ANK2: variants seen among roughly 807,000 people sequenced by gnomAD.
The protein encoded by ANK2 is ankyrin 2, also known as ankyrin-2.
ANK2 carries 83 observed loss-of-function variants against 360.5 expected under a neutral mutation model. That is an observed-to-expected ratio of 0.23 (90% CI 0.19 to 0.28). The LOEUF (loss-of-function observed/expected upper bound fraction) is 0.28, where lower values mean the gene tolerates loss of function less well. Ranked by LOEUF, ANK2 falls within the 10% of genes least tolerant of loss-of-function variation. The pLI, the probability that ANK2 is intolerant of heterozygous loss-of-function variation, is 1.00. For synonymous variants in ANK2, 1,740 were observed against 1,759.5 expected (o/e 0.99, Z 0.28); for missense variants, 4,201 against 4,795.7 (o/e 0.88, Z 3.66).
the ANK2 span, among the ~76,000 whole-genome samples, chr4:112,806,909 C>G: frequency 2.7e-4 from 41 of 152,288 alleles, 1 homozygote; most frequent in African/African-American, 9.9e-4. Flanking sequence ...GTTGCTGGGT[C>G]TTATGGCAGT....
chr4:113,330,529 A>C, intron 27 of ANK2, 59 bp downstream of exon 27: 1 of 1,544,638 alleles, frequency 6.5e-7, no homozygotes, highest in South Asian at 1.1e-5. Flanking sequence ...CCTCTACATG[A>C]AATCACTAGG....
chr4:112,932,855 T>G, intron 2 of ANK2, among the ~76,000 whole-genome samples: 1 of 152,186 alleles, frequency 6.6e-6, no homozygotes, highest in East Asian at 1.9e-4. Context: ...TCTTTCTATA[T>G]TCAGAATAAT....
rs879569088 is a variant in ANK2 at position 113,055,212 on chromosome 4, G to T, written c.84+5400G>T. On this transcript the variant is annotated intron_variant, in intron 1 of 45. Coordinates refer to ENST00000357077, the MANE Select transcript of ANK2 (RefSeq NM_001148.6). Reference sequence around the variant, plus strand: ...GTTTGAGACCAGCCTAGGCAAGATAGCAAGACCCTGTATCTAAAAAAATAA... The same window carrying T: ...GTTTGAGACCAGCCTAGGCAAGATATCAAGACCCTGTATCTAAAAAAATAA... 3.3e-5 allele frequency among the ~76,000 whole-genome samples: 5 copies of T among 152,106 alleles called. No individual in the cohort carries two copies. The East Asian group carries it at 9.7e-4, about 29-fold the overall frequency.
intron 14 of ANK2, among the ~76,000 whole-genome samples, chr4:113,268,748 T>G (rs2057278690): frequency 6.6e-6 from 1 of 152,212 alleles, no homozygotes; most frequent in African/African-American, 2.4e-5. Flanking sequence ...GGTATCAGGA[T>G]GATTCTGGCC....
Position 112,821,563 on chromosome 4 carries a change from G to T in ANK2, c.-40+3299G>T, listed in dbSNP as rs951231783. ...CTGTCACCCAGGCTGGAGTGCAGTG[G>T]TGTGATCACAGCTCATGTAACCTTG... On this transcript the variant is annotated intron_variant, in intron 1 of 30. Transcript: ENST00000503271. Among the ~76,000 whole-genome samples the T allele has an allele frequency of 2.7e-5, 4 of 150,474 alleles. No homozygotes were observed. The South Asian group carries it at 8.4e-4, about 32-fold the overall frequency.
upstream of ANK2, among the ~76,000 whole-genome samples, chr4:113,045,224 T>C (rs313939): frequency 0.59 from 89,734 of 152,020 alleles, 27,473 homozygotes; most frequent in Non-Finnish European, 0.68. Flanking sequence ...CATATGAAAA[T>C]TAGAATAATC....
intron 1 of ANK2, chr4:112,904,399 A>G (rs2150920053): frequency 1.9e-6 from 2 of 1,033,336 alleles, no homozygotes; most frequent in Middle Eastern, 2.4e-4. Flanking sequence ...ACTGTTCTTA[A>G]TGATAAATTG....
chr4:112,849,231 A>G (rs899356156), intron 1 of ANK2, among the ~76,000 whole-genome samples: 3 of 152,188 alleles, frequency 2.0e-5, no homozygotes, highest in East Asian at 1.9e-4. Flanking sequence ...GGGTGTTTAT[A>G]TATGTGACAA....
At chr4:113,016,174 G>A (rs2056559637) in intron 2 of ANK2, among the ~76,000 whole-genome samples, 1 of 152,092 alleles carries the variant, frequency 6.6e-6, no homozygotes, top group African/African-American at 2.4e-5. Flanking sequence ...ACAGACATGA[G>A]CCACTGCACC....
In ANK2 at chr4:113,367,597, T is replaced by G. The variant is rs1219360941; in HGVS notation, c.11064T>G (p.Thr3688=). 1 of 1,614,002 alleles carries G rather than the reference T, an allele frequency of 6.2e-7. No homozygotes were observed. The highest frequency in any genetic ancestry group is 1.7e-5 in the Admixed American group (1 of 59,986). The change falls in exon 42 of 46, where the codon ACT becomes ACG. Residue 3688 remains threonine (T), a synonymous_variant. Transcript: ENST00000357077. ...CGGTACTTCAAGAGGAGTTATGCAC[T>G]GCACAGCACAAGCAGAAAGAGGAGC... ...GFSVLQEELC[T]AQHKQKEEQA... is the part of the protein sequence containing the mutation.
chr4:113,355,963 C>T lies in ANK2; in HGVS notation c.7345C>T (p.His2449Tyr), dbSNP rs759139031. 8 of 1,614,124 alleles carry T rather than the reference C, an allele frequency of 5.0e-6. No homozygotes were observed. The highest frequency in any genetic ancestry group is 6.8e-6 in the Non-Finnish European group (8 of 1,179,994). The change falls in exon 38 of 46, where the codon CAC (histidine) becomes TAC (tyrosine). Residue 2449 changes from histidine to tyrosine, a missense_variant. His to Tyr is a moderately conservative substitution (Grantham distance 83, BLOSUM62 2). Coordinates refer to ENST00000357077, the MANE Select transcript of ANK2 (RefSeq NM_001148.6). ...ASPVLEDNSS[H>Y]KTPDSLEPSP... The stretch of plus-strand genomic sequence containing the variant: ...CCCTGTGCTAGAAGATAACTCTTCA[C>T]ACAAAACCCCTGATTCTCTGGAGCC...
intron 2 of ANK2, among the ~76,000 whole-genome samples, chr4:112,954,385 CTATT>C (rs1337687748): frequency 2.0e-5 from 3 of 152,078 alleles, no homozygotes; most frequent in Non-Finnish European, 4.4e-5. Context: ...TATTTGGACT[CTATT>C]TATACCATTT....
chr4:112,911,301 A>G (rs2087257731), intron 2 of ANK2, among the ~76,000 whole-genome samples: 1 of 149,566 alleles, frequency 6.7e-6, no homozygotes, highest in Non-Finnish European at 1.5e-5. Flanking sequence ...AGGTCAGGAG[A>G]TATAGTTAAC....
At chr4:113,050,070 A>G (rs1034579581) in intron 1 of ANK2, among the ~76,000 whole-genome samples, 1 of 152,220 alleles carries the variant, frequency 6.6e-6, no homozygotes, top group Non-Finnish European at 1.5e-5. Context: ...CCACATGTGG[A>G]TTACTGAGGA....
At chr4:112,911,916 G>A (rs199794356) in intron 2 of ANK2, among the ~76,000 whole-genome samples, 2 of 152,132 alleles carry the variant, frequency 1.3e-5, no homozygotes, top group Admixed American at 1.3e-4. Context: ...GGTGGCTCAC[G>A]CCTGTAATCC....
the ANK2 span, among the ~76,000 whole-genome samples, chr4:112,806,884 A>G: frequency 1.3e-5 from 2 of 152,200 alleles, no homozygotes; most frequent in African/African-American, 4.8e-5. Flanking sequence ...TTCTGGATGT[A>G]TACTCAGCAG....
At chr4:113,178,901 C>A (rs2098319850) in intron 2 of ANK2, among the ~76,000 whole-genome samples, 1 of 152,164 alleles carries the variant, frequency 6.6e-6, no homozygotes, top group South Asian at 2.1e-4. Context: ...TGCAGGATAT[C>A]TTTTTGAGTA....
intron 2 of ANK2, among the ~76,000 whole-genome samples, chr4:113,029,394 C>A (rs2059933029): frequency 6.6e-6 from 1 of 151,984 alleles, no homozygotes; most frequent in African/African-American, 2.4e-5. Flanking sequence ...ACAACTTCAC[C>A]CAGCTAATTT....
Position 113,353,949 on chromosome 4 carries a change from G to A in ANK2, c.5331G>A (p.Val1777=), listed in dbSNP as rs1321167276. The A allele has an allele frequency of 1.9e-6, 3 of 1,613,910 alleles. No homozygotes were observed. The highest frequency in any genetic ancestry group is 1.3e-5 in the African/African-American group (1 of 74,892). Residue 1777 remains valine (V), a synonymous_variant, in exon 38 of 46, where the codon GTG becomes GTA. Coordinates refer to ENST00000357077, the MANE Select transcript of ANK2 (RefSeq NM_001148.6). ...AAGTAAAGGCCCTTCAGAAGCGAGTGGAAGATGAACAGAAAGGTCGAAGCA... is the reference window on the plus strand; with the variant it reads ...AAGTAAAGGCCCTTCAGAAGCGAGTAGAAGATGAACAGAAAGGTCGAAGCA... The part of the protein sequence containing the change: ...KDKVKALQKR[V]EDEQKGRSKL...
Sources: gnomAD v4.1 joint callset for allele counts (sites outside exome capture counted in the v4.1 genomes callset) on GRCh38, gnomAD v4.1.1 for gene constraint, MANE v1.5 for transcripts, NCBI Gene and HGNC (gene_info 2026-07-23, HGNC 2026-07-21) for gene names.